ZNF66: variants seen among roughly 807,000 people sequenced by gnomAD.
ZNF66 encodes the protein putative zinc finger protein 66.
In ZNF66, 32 loss-of-function variants were observed where a neutral mutation model predicts 35.2. That is an observed-to-expected ratio of 0.91 (90% confidence interval 0.69 to 1.22). The LOEUF (loss-of-function observed/expected upper bound fraction) is 1.22. Ranked by LOEUF, ZNF66 falls within the 50% of genes most tolerant of loss-of-function variation. The pLI, the probability that ZNF66 is intolerant of heterozygous loss-of-function variation, is 0.00. For synonymous variants in ZNF66, 231 were observed against 181.3 expected, an observed-to-expected ratio of 1.27 and a Z score of -2.20; for missense variants, 666 against 543.1, an observed-to-expected ratio of 1.23 and a Z score of -2.25.
At chr19:20,788,812 G>C (rs1440720586) in intron 1 of ZNF66, among the ~76,000 whole-genome samples, 1 of 152,066 alleles carries the variant, frequency 6.6e-6, no homozygotes. Flanking sequence ...CAGCACTTTG[G>C]GGGTCTAAGG....
intron 1 of ZNF66, 36 bp from the exon 2 acceptor site, chr19:20,792,476 C>G (rs1261626454): frequency 1.4e-6 from 2 of 1,469,738 alleles, no homozygotes; most frequent in South Asian, 2.5e-5. Flanking sequence ...CCGCCCATAA[C>G]CACTTGGTGA....
intron 2 of ZNF66, among the ~76,000 whole-genome samples, chr19:20,793,002 G>T (rs1431105682): frequency 2.6e-5 from 4 of 151,820 alleles, no homozygotes; most frequent in Non-Finnish European, 5.9e-5. Context: ...AGGAGGTGAA[G>T]GTTGCAGTGA....
chr19:20,806,742 C>T lies in ZNF66; in HGVS notation c.1142C>T (p.Ser381Phe), dbSNP rs757178367. The T allele has an allele frequency of 2.1e-5, 29 of 1,363,234 alleles. No individual in the cohort carries two copies. Among genetic ancestry groups the T allele is most frequent in the Non-Finnish European group, 2.8e-5 (27 of 954,768 alleles). 84.4% of individuals were successfully genotyped at this position (1,363,234 alleles called of 1,614,324 possible). A position where few individuals can be genotyped will look rare whatever the true frequency, so the allele number is the denominator to read the frequency against. Residue 381 changes from serine to phenylalanine, a missense_variant, in exon 4 of 4, where the codon TCC (serine) becomes TTC (phenylalanine). Ser to Phe is a radical substitution (Grantham distance 155). Coordinates refer to ENST00000344519, the MANE Select transcript of ZNF66 (RefSeq NM_001355197.2). ...GAATGTGGTGAAGCCTTTAAGTACT[C>T]CTGTTCCCTTACTGCACATAAGATA... ...CEECGEAFKY[S>F]CSLTAHKIIH...
At chr19:20,781,016 C>T (rs953861695) in intron 1 of ZNF66, among the ~76,000 whole-genome samples, 11 of 152,210 alleles carry the variant, frequency 7.2e-5, no homozygotes, top group African/African-American at 2.7e-4. Flanking sequence ...CCACAAGTCT[C>T]TGCAAGTCTC....
In ZNF66 at chr19:20,776,336, T is replaced by G. The variant is rs1269283994; in HGVS notation, c.-112T>G. ...CCTGCAGCTGGAGCTCCAGGTCGTC[T>G]GTTCACTGCTCTCTGTCTTCTTCTC... On this transcript the variant is annotated 5_prime_UTR_variant, in exon 1 of 4. Coordinates refer to ENST00000344519, the MANE Select transcript of ZNF66 (RefSeq NM_001355197.2). 177 of 1,462,940 alleles carry G rather than the reference T, an allele frequency of 1.2e-4. No homozygotes were observed. The highest frequency in any genetic ancestry group is 1.6e-4 in the Non-Finnish European group (168 of 1,046,258). 90.6% of individuals were successfully genotyped at this position (1,462,940 alleles called of 1,614,324 possible).
rs142052913 is a variant in ZNF66, at chr19:20,797,189, A to ATTTTTTTTTTTTTTT, written c.226+3333_226+3347dup. ...ATAATGCATCAATGTTGCATGCTAGATTTTTTTTTTTTTTTTTTTTTTTTT... is the reference window on the plus strand; with the variant it reads ...ATAATGCATCAATGTTGCATGCTAGATTTTTTTTTTTTTTTTTTTTTTTTTTTTTTTTTTTTTTTT... On this transcript the variant is annotated intron_variant, in intron 3 of 3. Transcript: ENST00000344519. 3.1e-4 allele frequency among the ~76,000 whole-genome samples: 14 copies of ATTTTTTTTTTTTTTT among 45,480 alleles called. 4 individuals are homozygous for ATTTTTTTTTTTTTTT. Among genetic ancestry groups the ATTTTTTTTTTTTTTT allele is most frequent in the Admixed American group, 3.9e-4 (1 of 2,538 alleles). 29.8% of individuals were successfully genotyped at this position (45,480 alleles called of 152,430 possible).
intron 3 of ZNF66, among the ~76,000 whole-genome samples, chr19:20,800,600 A>G (rs1458730117): frequency 4.6e-5 from 7 of 152,160 alleles, no homozygotes; most frequent in African/African-American, 1.7e-4. Flanking sequence ...TATCAATTCA[A>G]ATAAGAGCTG....
chr19:20,798,441 AATT>A lies in ZNF66; in HGVS notation c.226+4565_226+4567del, dbSNP rs1265190203. On this transcript the variant is annotated intron_variant, in intron 3 of 3. Transcript: ENST00000344519. ...TATGGAGACTCTCCTCTATAAAAAA[AATT>A]AATAATAGCCAGGCATGGTGGTGTG... Among the ~76,000 whole-genome samples, 4 of 152,076 alleles carry A rather than the reference AATT, an allele frequency of 2.6e-5. No homozygotes were observed. In the East Asian group the frequency reaches 7.8e-4, roughly 29 times the overall value.
In ZNF66 at chr19:20,809,505, A is replaced by T. The variant is rs1367396504; in HGVS notation, c.*2183A>T. ...TCTTGGCAGAAACTCTATAAGCCAGAAGAGAGTGGGGGCCAATATTCAACA... is the reference window on the plus strand; with the variant it reads ...TCTTGGCAGAAACTCTATAAGCCAGTAGAGAGTGGGGGCCAATATTCAACA... On this transcript the variant is annotated 3_prime_UTR_variant, in exon 4 of 4. Transcript: ENST00000344519. Among the ~76,000 whole-genome samples the T allele has an allele frequency of 6.6e-6, 1 of 152,202 alleles. No individual in the cohort carries two copies. The highest frequency in any genetic ancestry group is 1.5e-5 in the Non-Finnish European group (1 of 68,040).
At position 20,809,906 on chromosome 19, in the gene ZNF66, A is replaced by T. The variant is rs1971572658; in HGVS notation, c.*2584A>T. Among the ~76,000 whole-genome samples, 1 of 152,130 alleles carries T rather than the reference A, an allele frequency of 6.6e-6. No individual in the cohort carries two copies. The highest frequency in any genetic ancestry group is 2.1e-4 in the South Asian group (1 of 4,816). ...CAGGCAAATTGGATAAATAGTCAAGACCCATCAGGGTGCTGTATTCAGGAA... is the reference window on the plus strand; with the variant it reads ...CAGGCAAATTGGATAAATAGTCAAGTCCCATCAGGGTGCTGTATTCAGGAA... On this transcript the variant is annotated 3_prime_UTR_variant, in exon 4 of 4. Transcript: ENST00000344519.
chr19:20,804,343 A>G (rs1351597346), intron 3 of ZNF66, among the ~76,000 whole-genome samples: 1 of 152,064 alleles, frequency 6.6e-6, no homozygotes, highest in Non-Finnish European at 1.5e-5. Flanking sequence ...TCCCAGGTTC[A>G]AGCAATTCTC....
intron 1 of ZNF66, among the ~76,000 whole-genome samples, chr19:20,791,485 CA>C (rs35269524): frequency 0.064 from 3,690 of 57,340 alleles, 60 homozygotes; most frequent in African/African-American, 0.14. Context: ...GACTTAATCT[CA>C]AAAAAAAAAA....
intron 1 of ZNF66, among the ~76,000 whole-genome samples, chr19:20,788,862 C>T (rs1039876882): frequency 5.3e-5 from 8 of 151,894 alleles, no homozygotes; most frequent in African/African-American, 1.7e-4. Context: ...ACCAGCCTGA[C>T]CAATGTGGTG....
Position 20,807,620 on chromosome 19 carries a change from AC to A in ZNF66, c.*301del, listed in dbSNP as rs1971535708. On this transcript the variant is annotated 3_prime_UTR_variant, in exon 4 of 4. Transcript: ENST00000344519. The stretch of plus-strand genomic sequence containing the variant: ...TTTGAGATGAAGTTTCATGCTTGTC[AC>A]CCAAGCTGGAATACAATGTGATGAT... Among the ~76,000 whole-genome samples the A allele has an allele frequency of 1.3e-5, 2 of 149,844 alleles. No homozygotes were observed. The highest frequency in any genetic ancestry group is 4.9e-5 in the African/African-American group (2 of 40,564).
At chr19:20,789,806 G>A (rs1214411633) in intron 1 of ZNF66, among the ~76,000 whole-genome samples, 1 of 152,078 alleles carries the variant, frequency 6.6e-6, no homozygotes, top group African/African-American at 2.4e-5. Context: ...AATGTGTTAT[G>A]CCCAGCACAG....
intron 1 of ZNF66, among the ~76,000 whole-genome samples, chr19:20,781,087 C>T (rs187980773): frequency 6.6e-6 from 1 of 152,272 alleles, no homozygotes; most frequent in East Asian, 1.9e-4. Context: ...CTCCACCAAC[C>T]TACCATTTTG....
intron 3 of ZNF66, chr19:20,798,925 G>T (rs427017): frequency 0.093 from 14,111 of 152,068 alleles, 657 homozygotes; most frequent in Middle Eastern, 0.11. Context: ...TAAATTAAGA[G>T]ATATATGCTG....
At chr19:20,788,658 C>T (rs1322458995) in intron 1 of ZNF66, among the ~76,000 whole-genome samples, 5 of 152,086 alleles carry the variant, frequency 3.3e-5, no homozygotes, top group Non-Finnish European at 5.9e-5. Context: ...CCGCGTCATC[C>T]TCCTGAAGCG....
chr19:20,789,996 G>A (rs1047937671), intron 1 of ZNF66, among the ~76,000 whole-genome samples: 4 of 152,166 alleles, frequency 2.6e-5, no homozygotes, highest in Non-Finnish European at 5.9e-5. Flanking sequence ...GGGATCCTGT[G>A]CTGTGCCTGC....
Sources: gnomAD v4.1 joint callset for allele counts (sites outside exome capture counted in the v4.1 genomes callset) on GRCh38, gnomAD v4.1.1 for gene constraint, MANE v1.5 for transcripts, NCBI Gene and HGNC (gene_info 2026-07-23, HGNC 2026-07-21) for gene names.